Variants in ZC3HC1 observed in about 807,000 individuals in gnomAD.
ZC3HC1 encodes zinc finger C3HC-type protein 1.
A neutral mutation model predicts 61.9 loss-of-function variants in ZC3HC1; 38 were observed. That is an observed-to-expected ratio of 0.61 (90% confidence interval 0.47 to 0.81). The LOEUF is 0.81. ZC3HC1 is among the 30% of genes least tolerant of loss of function. The pLI is 0.00. For missense variants in ZC3HC1, 554 were observed against 622.7 expected, an observed-to-expected ratio of 0.89 and a Z score of 1.17; for synonymous variants, 213 against 229.9, an observed-to-expected ratio of 0.93 and a Z score of 0.67.
intron 4 of ZC3HC1, 62 bp from the exon 5 acceptor site, chr7:130,029,091 C>A (rs11974220): frequency 1.6e-5 from 24 of 1,529,406 alleles, no homozygotes; most frequent in Non-Finnish European, 2.1e-5. Flanking sequence ...AAAAACACGG[C>A]TGGGCATGGT....
Position 130,041,118 on chromosome 7 carries a change from AAAC to A in ZC3HC1, c.259-20_259-18del. The A allele has an allele frequency of 6.2e-7, 1 of 1,609,000 alleles. No individual in the cohort carries two copies. ...TTTCAAAGAGTATCCATGTTAAGAA[AAAC>A]AACACAGCAAATATATATATATATG... On this transcript the variant is annotated intron_variant, in intron 2 of 9. Coordinates refer to ENST00000358303, the MANE Select transcript of ZC3HC1 (RefSeq NM_016478.5).
chr7:130,036,617 T>C (rs1049128653), intron 4 of ZC3HC1: 5 of 152,178 alleles, frequency 3.3e-5, no homozygotes, highest in Non-Finnish European at 7.4e-5. Context: ...TAATTTAGCT[T>C]ATAATTATTG....
At chr7:130,051,449 G>A, upstream of ZC3HC1, 4 of 1,590,380 alleles carry the variant, frequency 2.5e-6, no homozygotes, top group East Asian at 2.2e-5. Context: ...CGCCTCTTGA[G>A]GCAGCCTGGC....
At chr7:130,027,943 C>A (rs6467278) in intron 5 of ZC3HC1, among the ~76,000 whole-genome samples, 1 of 146,402 alleles carries the variant, frequency 6.8e-6, no homozygotes, top group East Asian at 2.1e-4. Flanking sequence ...CCGAGGTGGG[C>A]GGATCACGAG....
At chr7:130,024,871 C>CA in intron 6 of ZC3HC1, among the ~76,000 whole-genome samples, 1 of 139,078 alleles carries the variant, frequency 7.2e-6, no homozygotes, top group South Asian at 2.4e-4. Flanking sequence ...ACAACAACAA[C>CA]ACAAAAAGTT....
At chr7:130,046,113 CAT>C (rs1293735066) in intron 2 of ZC3HC1, among the ~76,000 whole-genome samples, 2 of 152,026 alleles carry the variant, frequency 1.3e-5, no homozygotes, top group Non-Finnish European at 2.9e-5. Context: ...CACATGGACA[CAT>C]GAGGGGAACG....
Position 130,041,027 on chromosome 7 carries a change from T to G in ZC3HC1, c.333A>C (p.Glu111Asp). 1 of 1,614,030 alleles carries G rather than the reference T, an allele frequency of 6.2e-7. No individual in the cohort carries two copies. The highest frequency in any genetic ancestry group is 8.5e-7 in the Non-Finnish European group (1 of 1,180,002). The stretch of plus-strand genomic sequence containing the variant: ...AGCTAGAGCACTTGAGCATATCACA[T>G]TCCACTGTGACCCAGCCATATTTTG... ...VCAKYGWVTVECDMLKCSSCQ... is the reference protein window; with the variant it reads ...VCAKYGWVTVDCDMLKCSSCQ... Residue 111 changes from glutamate to aspartate, a missense_variant, in exon 3 of 10, where the codon GAA (glutamate) becomes GAC (aspartate). Transcript: ENST00000358303.
At chr7:130,051,428 AG>A, upstream of ZC3HC1, 1 of 1,603,606 alleles carries the variant, frequency 6.2e-7, no homozygotes, top group Non-Finnish European at 8.5e-7. Flanking sequence ...CCGTCCTGGG[AG>A]GTTAATATCC....
chr7:130,049,176 C>A, intron 1 of ZC3HC1, 32 bp from the exon 2 acceptor site: 1 of 1,514,134 alleles, frequency 6.6e-7, no homozygotes, highest in Non-Finnish European at 9.0e-7. Flanking sequence ...GTTGGTAAAC[C>A]TTTCACAGTA....
In ZC3HC1 at chr7:130,049,015, T is replaced by C. The variant is rs1359734696; in HGVS notation, c.258+18A>G. ...AAGCAGGCAGAAAGTGCAATTCACA[T>C]GAACTAAAAAAGGATATAGAAAATG... On this transcript the variant is annotated intron_variant, in intron 2 of 9. Coordinates refer to ENST00000358303, the MANE Select transcript of ZC3HC1 (RefSeq NM_016478.5). The C allele has an allele frequency of 6.3e-7, 1 of 1,577,732 alleles. No homozygotes were observed. Among genetic ancestry groups the C allele is most frequent in the Non-Finnish European group, 8.6e-7 (1 of 1,159,846 alleles).
Position 130,018,589 on chromosome 7 carries a change from C to A in ZC3HC1, c.*75G>T. ...CAGGAAAAACTTAGTGTCAGCTGACCGAAAGGAACTCAGCCTTAATTTTTC... is the reference window on the plus strand; with the variant it reads ...CAGGAAAAACTTAGTGTCAGCTGACAGAAAGGAACTCAGCCTTAATTTTTC... On this transcript the variant is annotated 3_prime_UTR_variant, in exon 10 of 10. Coordinates refer to ENST00000358303, the MANE Select transcript of ZC3HC1 (RefSeq NM_016478.5). 7.4e-7 allele frequency: 1 copy of A among 1,345,262 alleles called. No individual in the cohort carries two copies. Among genetic ancestry groups the A allele is most frequent in the Non-Finnish European group, 1.0e-6 (1 of 953,090 alleles). The allele number at this position is 1,345,262 out of a possible 1,614,324, so 83.3% of individuals were successfully genotyped here.
chr7:130,020,274 CTT>C (rs531130416), intron 9 of ZC3HC1, among the ~76,000 whole-genome samples: 31 of 134,584 alleles, frequency 2.3e-4, no homozygotes, highest in Admixed American at 2.2e-4. Flanking sequence ...ACACTTTTTT[CTT>C]TTTTTTTTTT....
chr7:130,032,173 G>A (rs539059174), intron 4 of ZC3HC1, among the ~76,000 whole-genome samples: 171 of 150,574 alleles, frequency 1.1e-3, no homozygotes, highest in African/African-American at 4.0e-3. Flanking sequence ...GCAGTGAGCC[G>A]AGACCACGCC....
Position 130,045,909 on chromosome 7 carries a change from A to AG in ZC3HC1, c.258+3123_258+3124insC, listed in dbSNP as rs1334019361. On this transcript the variant is annotated intron_variant, in intron 2 of 9. Transcript: ENST00000358303. ...CCATCTCAAAAAAAAAAAAAAAAAA[A>AG]AAAGACATCAACGGCTTAAGATGGA... 9.9e-5 allele frequency among the ~76,000 whole-genome samples: 15 copies of AG among 151,780 alleles called. No individual in the cohort carries two copies. The East Asian group carries it at 2.9e-3, about 29-fold the overall frequency.
rs191588771 is a variant in ZC3HC1, at chr7:130,040,354, C to T, written c.409+597G>A. Among the ~76,000 whole-genome samples, 276 of 150,800 alleles carry T rather than the reference C, an allele frequency of 1.8e-3. 3 individuals carry two copies. The highest frequency in any genetic ancestry group is 6.6e-3 in the African/African-American group (270 of 40,808). ...CTAAAAATACAAAAAATTAGCCAGG[C>T]GTGGTAGCAGGCACCTGTAGTCCCA... On this transcript the variant is annotated intron_variant, in intron 3 of 9. Transcript: ENST00000358303.
intron 3 of ZC3HC1, among the ~76,000 whole-genome samples, chr7:130,040,231 A>G (rs1193548341): frequency 1.5e-5 from 2 of 134,546 alleles, no homozygotes; most frequent in Admixed American, 1.6e-4. Context: ...ACGGTGGCTC[A>G]CGCCTGTAAT....
intron 2 of ZC3HC1, among the ~76,000 whole-genome samples, chr7:130,041,654 G>A (rs111596367): frequency 6.7e-6 from 1 of 149,966 alleles, no homozygotes; most frequent in Non-Finnish European, 1.5e-5. Flanking sequence ...TCAGCCTCCC[G>A]AGTAGCTGGG....
chr7:130,039,586 A>G (rs775902569), intron 3 of ZC3HC1, 39 bp from the exon 4 acceptor site: 1 of 1,505,496 alleles, frequency 6.6e-7, no homozygotes, highest in South Asian at 1.2e-5. Flanking sequence ...AAAAAACACT[A>G]TATAGATTCA....
At chr7:130,030,195 C>CT (rs58731959) in intron 4 of ZC3HC1, among the ~76,000 whole-genome samples, 4 of 115,444 alleles carry the variant, frequency 3.5e-5, no homozygotes, top group Non-Finnish European at 3.6e-5. Flanking sequence ...CTGAATCAGC[C>CT]TTTTTTTTTT....
Sources: gnomAD v4.1 joint callset for allele counts (sites outside exome capture counted in the v4.1 genomes callset) on GRCh38, gnomAD v4.1.1 for gene constraint, MANE v1.5 for transcripts, NCBI Gene and HGNC (gene_info 2026-07-23, HGNC 2026-07-21) for gene names.